LOXL2: variants seen among roughly 807,000 people sequenced by gnomAD.
LOXL2 encodes lysyl oxidase like 2.
In LOXL2, 70 loss-of-function variants were observed where a neutral mutation model predicts 93.0. The ratio of observed to expected loss-of-function variants is 0.75; its 90% CI spans 0.62 to 0.92. LOXL2 has a LOEUF of 0.92. Ranked by LOEUF, LOXL2 falls within the 40% of genes least tolerant of loss-of-function variation. The probability of loss-of-function intolerance (pLI) is 0.00; values close to 1 mark genes in which losing one functional copy is unlikely to be tolerated. For synonymous variants in LOXL2, 438 were observed against 413.2 expected (o/e 1.06, Z -0.73); for missense variants, 973 against 1,054.9 (o/e 0.92, Z 1.08).
intron 1 of LOXL2, among the ~76,000 whole-genome samples, chr8:23,378,719 T>C (rs957980414): frequency 2.0e-4 from 31 of 152,226 alleles, no homozygotes; most frequent in African/African-American, 6.5e-4. Flanking sequence ...CCCTTTCTTC[T>C]GGTTGATCGA....
At chr8:23,377,564 G>A (rs1420603159) in intron 1 of LOXL2, among the ~76,000 whole-genome samples, 3 of 150,374 alleles carry the variant, frequency 2.0e-5, no homozygotes, top group Admixed American at 1.3e-4. Flanking sequence ...TTATTATTGT[G>A]TGGGAGTCTA....
chr8:23,314,525 C>T lies in LOXL2; in HGVS notation c.1636+2424G>A, dbSNP rs369178469. On this transcript the variant is annotated intron_variant, in intron 9 of 13. Transcript: ENST00000389131. Reference sequence around the variant, plus strand: ...GGATGAAATTGGAAATCATCATTCTCAGTAAACTATCGCAAGAACAAAAAA... The same window carrying T: ...GGATGAAATTGGAAATCATCATTCTTAGTAAACTATCGCAAGAACAAAAAA... 1.0e-3 allele frequency among the ~76,000 whole-genome samples: 141 copies of T among 134,668 alleles called. 3 individuals are homozygous for T. The East Asian group carries it at 0.026, about 24-fold the overall frequency. The allele number at this position is 134,668 out of a possible 152,430, so 88.3% of individuals were successfully genotyped here.
chr8:23,397,175 G>A (rs1016371726), intron 1 of LOXL2, among the ~76,000 whole-genome samples: 4 of 152,114 alleles, frequency 2.6e-5, no homozygotes, highest in African/African-American at 9.7e-5. Flanking sequence ...ACAGAAAGTA[G>A]AATGGGGGCT....
intron 3 of LOXL2, among the ~76,000 whole-genome samples, chr8:23,359,626 C>A (rs1804256479): frequency 6.6e-6 from 1 of 152,208 alleles, no homozygotes; most frequent in Admixed American, 6.5e-5. Context: ...TTCCTCAATT[C>A]CTGACTCTCA....
At chr8:23,358,349 C>T (rs1044896030) in intron 3 of LOXL2, among the ~76,000 whole-genome samples, 3 of 152,216 alleles carry the variant, frequency 2.0e-5, no homozygotes, top group Non-Finnish European at 2.9e-5. Flanking sequence ...ATTCCCAGCA[C>T]GCTTGGGAAC....
intron 12 of LOXL2, among the ~76,000 whole-genome samples, chr8:23,299,745 C>T (rs531032015): frequency 3.7e-4 from 56 of 152,306 alleles, no homozygotes; most frequent in African/African-American, 1.2e-3. Flanking sequence ...GGAAGGGCTG[C>T]GACCCACAGC....
chr8:23,345,247 C>T (rs1159817529), intron 3 of LOXL2, among the ~76,000 whole-genome samples: 1 of 152,228 alleles, frequency 6.6e-6, no homozygotes, highest in African/African-American at 2.4e-5. Flanking sequence ...GCTCCAGGCT[C>T]ATAATGACCA....
intron 1 of LOXL2, among the ~76,000 whole-genome samples, chr8:23,372,446 G>A (rs1585375972): frequency 1.3e-5 from 2 of 152,058 alleles, no homozygotes; most frequent in South Asian, 4.1e-4. Context: ...TCAAACCCCT[G>A]ACCTCAAGTG....
At chr8:23,360,920 T>TA (rs1804279778) in intron 2 of LOXL2, among the ~76,000 whole-genome samples, 2 of 151,904 alleles carry the variant, frequency 1.3e-5, no homozygotes, top group Admixed American at 1.3e-4. Context: ...GTTTTTTTTT[T>TA]AGACAGAGTC....
At chr8:23,376,918 G>T (rs1392331807) in intron 1 of LOXL2, among the ~76,000 whole-genome samples, 3 of 152,042 alleles carry the variant, frequency 2.0e-5, no homozygotes, top group African/African-American at 4.8e-5. Context: ...TTTTTGAAGG[G>T]TTTTTTGTGT....
intron 3 of LOXL2, among the ~76,000 whole-genome samples, chr8:23,349,829 A>G (rs1474768341): frequency 1.3e-5 from 2 of 151,936 alleles, no homozygotes; most frequent in Non-Finnish European, 2.9e-5. Flanking sequence ...GTGGGTCCCC[A>G]AACATATTTG....
intron 1 of LOXL2, among the ~76,000 whole-genome samples, chr8:23,397,960 CAAAAAAA>C (rs11295140): frequency 1.4e-4 from 13 of 91,014 alleles, no homozygotes; most frequent in East Asian, 8.9e-4. Flanking sequence ...GACTCTGTCT[CAAAAAAA>C]AAAAAAAAAA....
At chr8:23,321,959 G>A in intron 7 of LOXL2, 171 bp downstream of exon 7, 1 of 710,168 alleles carries the variant, frequency 1.4e-6, no homozygotes, top group African/African-American at 1.8e-5. Context: ...TGCCGGGCCA[G>A]GGCCAGGCCC....
At chr8:23,299,076 T>G (rs1585339001) in intron 12 of LOXL2, 129 bp from the exon 13 acceptor site, 3 of 620,236 alleles carry the variant, frequency 4.8e-6, no homozygotes, top group African/African-American at 3.7e-5. Flanking sequence ...AAGACGGGGG[T>G]CTGTGGGTCT....
intron 8 of LOXL2, 124 bp from the exon 9 acceptor site, chr8:23,317,238 A>T (rs1803417811): frequency 9.9e-7 from 1 of 1,014,146 alleles, no homozygotes; most frequent in Non-Finnish European, 1.5e-6. Flanking sequence ...AGATCGAAAC[A>T]GCACGGAGGG....
intron 8 of LOXL2, among the ~76,000 whole-genome samples, chr8:23,319,684 G>A (rs1803462165): frequency 1.3e-5 from 2 of 152,098 alleles, no homozygotes; most frequent in African/African-American, 4.8e-5. Flanking sequence ...GGCAGAGATG[G>A]GAGCGACCTG....
rs530034771 is a variant in LOXL2 at position 23,316,919 on chromosome 8, C to T, written c.1636+30G>A. Reference sequence around the variant, plus strand: ...GTGGGACTCTGGTCCCCTTGGGAGCCCGGTGGGGAGGGAGGGGAGGAGCTC... The same window carrying T: ...GTGGGACTCTGGTCCCCTTGGGAGCTCGGTGGGGAGGGAGGGGAGGAGCTC... On this transcript the variant is annotated intron_variant, in intron 9 of 13. Coordinates refer to ENST00000389131, the MANE Select transcript of LOXL2 (RefSeq NM_002318.3). The T allele has an allele frequency of 4.5e-6, 7 of 1,548,828 alleles. No individual in the cohort carries two copies. In the East Asian group the frequency reaches 9.2e-5, roughly 20 times the overall value.
At chr8:23,400,977 A>G (rs998443701) in intron 1 of LOXL2, among the ~76,000 whole-genome samples, 1 of 152,196 alleles carries the variant, frequency 6.6e-6, no homozygotes, top group African/African-American at 2.4e-5. Context: ...GCAGGTGTAT[A>G]GGAAGTGATA....
intron 5 of LOXL2, among the ~76,000 whole-genome samples, 155 bp downstream of exon 5, chr8:23,333,246 G>C (rs1038103428): frequency 2.0e-5 from 3 of 152,162 alleles, no homozygotes; most frequent in East Asian, 3.9e-4. Context: ...GTCCTTCTCT[G>C]CAGAGGGCGC....
Sources: allele counts gnomAD v4.1 joint callset (sites outside exome capture counted in the v4.1 genomes callset), GRCh38; gene constraint gnomAD v4.1.1; transcripts MANE v1.5; gene names NCBI Gene and HGNC (gene_info 2026-07-23, HGNC 2026-07-21).